USP34: variants seen among roughly 807,000 people sequenced by gnomAD.
USP34 encodes the protein ubiquitin carboxyl-terminal hydrolase 34.
Under a neutral mutation model 460.3 loss-of-function variants are expected in USP34, and 70 were observed. The ratio of observed to expected loss-of-function variants is 0.15; its 90% CI spans 0.13 to 0.19. USP34 has a LOEUF of 0.19. USP34 is among the 10% of genes least tolerant of loss of function. USP34 has a pLI of 1.00. For synonymous variants in USP34, 1,647 were observed against 1,405.3 expected (o/e 1.17, Z -3.85); for missense variants, 3,985 against 4,236.2 (o/e 0.94, Z 1.65).
chr2:61,363,475 C>T (rs772458661), intron 10 of USP34, among the ~76,000 whole-genome samples: 1 of 152,156 alleles, frequency 6.6e-6, no homozygotes, highest in Admixed American at 6.5e-5. Context: ...AGGCTATATG[C>T]TATAGTTTAC....
At chr2:61,402,882 T>TAC in intron 3 of USP34, among the ~76,000 whole-genome samples, 1 of 152,158 alleles carries the variant, frequency 6.6e-6, no homozygotes, top group South Asian at 2.1e-4. Context: ...TATAATTTTA[T>TAC]AACATGTATG....
intron 27 of USP34, among the ~76,000 whole-genome samples, chr2:61,310,214 A>G (rs1266682512): frequency 2.0e-5 from 3 of 152,166 alleles, no homozygotes; most frequent in Non-Finnish European, 2.9e-5. Context: ...CAACCTAACC[A>G]AAGCAGATAC....
chr2:61,317,744 T>C lies in USP34; in HGVS notation c.3192A>G (p.Thr1064=). Residue 1064 remains threonine (T), a synonymous_variant, in exon 23 of 80, where the codon ACA becomes ACG. Transcript: ENST00000398571. The part of the protein sequence containing the change: ...LEKMPQLKPE[T]ISMTGLNLFQ... ...ACAGGTTTAAGCCAGTCATGCTAATTGTTTCAGGTTTTAGCTGGGGCATCT... is the reference window on the plus strand; with the variant it reads ...ACAGGTTTAAGCCAGTCATGCTAATCGTTTCAGGTTTTAGCTGGGGCATCT... The C allele has an allele frequency of 6.2e-7, 1 of 1,614,046 alleles. No individual in the cohort carries two copies. Among genetic ancestry groups the C allele is most frequent in the Non-Finnish European group, 8.5e-7 (1 of 1,180,002 alleles).
rs368930728 is a variant in USP34 at position 61,333,865 on chromosome 2, T to C, written c.2834+17A>G. 123 of 1,458,830 alleles carry C rather than the reference T, an allele frequency of 8.4e-5. No homozygotes were observed. The highest frequency in any genetic ancestry group is 1.1e-4 in the Non-Finnish European group (119 of 1,090,310). The allele number at this position is 1,458,830 out of a possible 1,614,324, so 90.4% of individuals were successfully genotyped here. On this transcript the variant is annotated intron_variant, in intron 19 of 79. Transcript: ENST00000398571. ...AAAAATCTTTAAAATAAATACTTTT[T>C]TCTTTTATTTACTTACATTGTTATC... is the stretch of plus-strand genomic sequence containing the variant.
At chr2:61,442,600 A>C (rs906755278) in intron 1 of USP34, among the ~76,000 whole-genome samples, 1 of 152,126 alleles carries the variant, frequency 6.6e-6, no homozygotes, top group Admixed American at 6.6e-5. Flanking sequence ...CAAAAACACA[A>C]AAAATAACAA....
chr2:61,388,111 G>T (rs1363266879), intron 5 of USP34, among the ~76,000 whole-genome samples: 1 of 151,976 alleles, frequency 6.6e-6, no homozygotes, highest in Non-Finnish European at 1.5e-5. Context: ...GCTTAGCGGG[G>T]CATGGTGGCA....
At chr2:61,213,811 A>G (rs1321269401) in intron 68 of USP34, among the ~76,000 whole-genome samples, 1 of 152,222 alleles carries the variant, frequency 6.6e-6, no homozygotes, top group Non-Finnish European at 1.5e-5. Flanking sequence ...AAAACCACAA[A>G]TTAAAAAACA....
chr2:61,457,960 A>C (rs1056104182), intron 1 of USP34, among the ~76,000 whole-genome samples: 1 of 152,194 alleles, frequency 6.6e-6, no homozygotes, highest in Non-Finnish European at 1.5e-5. Flanking sequence ...AGAAAACAGG[A>C]AACACCACAT....
chr2:61,377,599 A>G (rs978971759), intron 8 of USP34, among the ~76,000 whole-genome samples: 1 of 152,098 alleles, frequency 6.6e-6, no homozygotes, highest in Non-Finnish European at 1.5e-5. Context: ...CCATGCGAAA[A>G]TAAAAGAAAA....
chr2:61,394,894 G>T lies in USP34; in HGVS notation c.712C>A (p.Pro238Thr). The T allele has an allele frequency of 1.3e-6, 2 of 1,597,426 alleles. No homozygotes were observed. Among genetic ancestry groups the T allele is most frequent in the Non-Finnish European group, 1.7e-6 (2 of 1,174,582 alleles). ...ATAAACGCATGTGCTATAAGAAATG[G>T]CAAAGTTTCAGGAGTTCCATATTCA... The part of the protein sequence containing the change: ...CFEYGTPETL[P>T]FLIAHAFITV... The change falls in exon 5 of 80, where the codon CCA (proline) becomes ACA (threonine). Residue 238 changes from proline (P) to threonine (T), a missense_variant. Transcript: ENST00000398571.
chr2:61,334,897 G>A (rs1691371468), intron 18 of USP34, among the ~76,000 whole-genome samples: 1 of 152,092 alleles, frequency 6.6e-6, no homozygotes, highest in African/African-American at 2.4e-5. Flanking sequence ...ATTATACATG[G>A]CTAAAGATTT....
intron 2 of USP34, chr2:61,416,757 TA>T: frequency 2.6e-6 from 1 of 381,386 alleles, no homozygotes; most frequent in Non-Finnish European, 4.7e-6. Context: ...ATCATTAAAT[TA>T]ATAAAATGAT....
intron 5 of USP34, among the ~76,000 whole-genome samples, chr2:61,392,291 A>G (rs989113640): frequency 6.6e-6 from 1 of 152,090 alleles, no homozygotes; most frequent in Admixed American, 6.6e-5. Flanking sequence ...AGCTGCTACT[A>G]CCGCACAGCA....
chr2:61,405,527 T>C (rs562320197), intron 3 of USP34, among the ~76,000 whole-genome samples, 181 bp downstream of exon 3: 1 of 152,336 alleles, frequency 6.6e-6, no homozygotes, highest in Admixed American at 6.5e-5. Flanking sequence ...TAGGATGAAC[T>C]ATGCCGAGCA....
At chr2:61,290,080 A>G (rs558962823) in intron 33 of USP34, among the ~76,000 whole-genome samples, 1 of 152,268 alleles carries the variant, frequency 6.6e-6, no homozygotes, top group African/African-American at 2.4e-5. Flanking sequence ...TAAACACACA[A>G]TCAACAAACA....
intron 1 of USP34, among the ~76,000 whole-genome samples, chr2:61,461,147 T>C (rs1467760001): frequency 1.3e-5 from 2 of 151,886 alleles, no homozygotes; most frequent in African/African-American, 2.4e-5. Context: ...TCTCAGCATT[T>C]TGGGAGGCTG....
intron 61 of USP34, 151 bp from the exon 62 acceptor site, chr2:61,227,369 C>T: frequency 2.5e-6 from 2 of 786,156 alleles, no homozygotes; most frequent in Non-Finnish European, 4.0e-6. Context: ...ATGTAAAACA[C>T]TCTAAACCAC....
intron 41 of USP34, among the ~76,000 whole-genome samples, chr2:61,266,464 CATT>C (rs1689049563): frequency 6.6e-6 from 1 of 152,152 alleles, no homozygotes; most frequent in African/African-American, 2.4e-5. Flanking sequence ...GTTAAGGCCT[CATT>C]ATTCCCTTGA....
chr2:61,467,172 G>T (rs898084321), intron 1 of USP34, among the ~76,000 whole-genome samples: 2 of 151,880 alleles, frequency 1.3e-5, no homozygotes, highest in African/African-American at 2.4e-5. Flanking sequence ...GCATGGTGAC[G>T]TGTGCCTGTA....
Sources: gnomAD v4.1 joint callset for allele counts (sites outside exome capture counted in the v4.1 genomes callset) on GRCh38, gnomAD v4.1.1 for gene constraint, MANE v1.5 for transcripts, NCBI Gene and HGNC (gene_info 2026-07-23, HGNC 2026-07-21) for gene names.